The following DAAM1 variants were observed in gnomAD, a reference collection of about 807,000 sequenced individuals.
The protein encoded by DAAM1 is dishevelled associated activator of morphogenesis 1.
Under a neutral mutation model 130.0 loss-of-function variants are expected in DAAM1, and 52 were observed. That is an observed-to-expected ratio of 0.40 (90% CI 0.32 to 0.50). DAAM1 has a LOEUF of 0.50. Ranked by LOEUF, DAAM1 falls within the 20% of genes least tolerant of loss-of-function variation. The pLI is 0.61. For missense variants in DAAM1, 1,134 were observed against 1,303.8 expected (o/e 0.87, Z 2.01); for synonymous variants, 452 against 444.5 (o/e 1.02, Z -0.21).
chr14:59,308,010 T>TC lies in DAAM1; in HGVS notation c.274-7267dup, dbSNP rs377760391. On this transcript the variant is annotated intron_variant, in intron 3 of 24. Coordinates refer to ENST00000360909, the MANE Select transcript of DAAM1 (RefSeq NM_001270520.2). Reference sequence around the variant, plus strand: ...TAATAAAGCAAGGACTAAACAAGTTTCCCTCCACTTAATATGACGTGTCTT... The same window carrying TC: ...TAATAAAGCAAGGACTAAACAAGTTTCCCCTCCACTTAATATGACGTGTCTT... Among the ~76,000 whole-genome samples, 365 of 152,332 alleles carry TC rather than the reference T, an allele frequency of 2.4e-3. 1 individual carries two copies. Among genetic ancestry groups the TC allele is most frequent in the African/African-American group, 8.3e-3 (345 of 41,584 alleles).
At chr14:59,217,624 G>A (rs1228789444) in intron 1 of DAAM1, among the ~76,000 whole-genome samples, 1 of 151,770 alleles carries the variant, frequency 6.6e-6, no homozygotes, top group East Asian at 1.9e-4. Context: ...ATTGCTTGAG[G>A]CCAGAAGTTC....
At chr14:59,299,199 T>C (rs907971274) in intron 3 of DAAM1, among the ~76,000 whole-genome samples, 4 of 152,206 alleles carry the variant, frequency 2.6e-5, no homozygotes, top group African/African-American at 4.8e-5. Flanking sequence ...TATAGTATGA[T>C]GTATGTGTAA....
chr14:59,261,725 C>T (rs17095974), intron 1 of DAAM1, among the ~76,000 whole-genome samples: 9,463 of 152,238 alleles, frequency 0.062, 394 homozygotes, highest in Non-Finnish European at 0.093. Flanking sequence ...TACTTATTTA[C>T]GTAGTAGTGT....
At chr14:59,197,807 G>A (rs1433140599) in intron 1 of DAAM1, among the ~76,000 whole-genome samples, 2 of 152,054 alleles carry the variant, frequency 1.3e-5, no homozygotes, top group African/African-American at 2.4e-5. Flanking sequence ...TTCTCTGTGG[G>A]CAGGGTGAGA....
chr14:59,310,513 G>T (rs1480168850), intron 3 of DAAM1, among the ~76,000 whole-genome samples: 1 of 152,034 alleles, frequency 6.6e-6, no homozygotes, highest in Non-Finnish European at 1.5e-5. Flanking sequence ...ATATGATTAC[G>T]GTTCACTTGA....
intron 1 of DAAM1, among the ~76,000 whole-genome samples, chr14:59,240,579 C>G (rs1594774882): frequency 6.6e-6 from 1 of 152,190 alleles, no homozygotes; most frequent in African/African-American, 2.4e-5. Flanking sequence ...CTTGTCCCAT[C>G]TCTCAGTTCT....
intron 22 of DAAM1, chr14:59,363,037 A>G (rs1183678324): frequency 2.0e-5 from 3 of 152,438 alleles, no homozygotes; most frequent in Admixed American, 6.5e-5. Context: ...ATTAGATTTG[A>G]ATCATCTGCG....
rs562858963 is a variant in DAAM1, at chr14:59,315,294, C to A, written c.288C>A (p.Asn96Lys). The A allele has an allele frequency of 1.9e-6, 3 of 1,613,822 alleles. No individual in the cohort carries two copies. In the South Asian group the frequency reaches 3.3e-5, roughly 18 times the overall value. Residue 96 changes from asparagine to lysine, a missense_variant, in exon 4 of 25, where the codon AAC becomes AAA. Physicochemically the swap from Asn to Lys is moderately conservative, Grantham distance 94. Transcript: ENST00000360909. The stretch of plus-strand genomic sequence containing the variant: ...CCCCTTTTTAGGACCAGGAAGAAAA[C>A]AAGGGAGCTACAAGTTGGCCTGAAT... Reference protein sequence around the residue: ...YCSKKKDQEENKGATSWPEFY... With the variant: ...YCSKKKDQEEKKGATSWPEFY...
intron 3 of DAAM1, 135 bp downstream of exon 3, chr14:59,291,441 T>G (rs1594803592): frequency 2.6e-5 from 18 of 682,648 alleles, no homozygotes; most frequent in Admixed American, 1.3e-4. Flanking sequence ...GTGGCTGTGG[T>G]GCTACATGTA....
chr14:59,332,746 A>G (rs145132039), intron 15 of DAAM1, among the ~76,000 whole-genome samples: 2 of 152,346 alleles, frequency 1.3e-5, no homozygotes, highest in East Asian at 3.8e-4. Context: ...AGGATCCCAA[A>G]TAATCAAAGC....
chr14:59,259,863 T>C (rs925996393), intron 1 of DAAM1, among the ~76,000 whole-genome samples: 6 of 152,100 alleles, frequency 3.9e-5, no homozygotes, highest in African/African-American at 1.4e-4. Context: ...GCTAACATGG[T>C]GAAACCCCAT....
At chr14:59,345,382 G>A (rs570593294) in intron 16 of DAAM1, among the ~76,000 whole-genome samples, 21 of 152,244 alleles carry the variant, frequency 1.4e-4, no homozygotes, top group Admixed American at 7.2e-4. Flanking sequence ...GTGATAGAAC[G>A]GGCCTTATTT....
chr14:59,346,434 C>T (rs920436114), intron 16 of DAAM1, among the ~76,000 whole-genome samples: 37 of 152,216 alleles, frequency 2.4e-4, no homozygotes, highest in Non-Finnish European at 4.6e-4. Context: ...CATGTTAATA[C>T]GCCACATTAG....
At chr14:59,234,646 A>G (rs999976887) in intron 1 of DAAM1, among the ~76,000 whole-genome samples, 2 of 152,164 alleles carry the variant, frequency 1.3e-5, no homozygotes, top group African/African-American at 2.4e-5. Context: ...TGCCATGGCC[A>G]GAACTCCCGA....
intron 2 of DAAM1, among the ~76,000 whole-genome samples, chr14:59,272,255 A>T (rs2139523752): frequency 6.6e-6 from 1 of 152,346 alleles, no homozygotes; most frequent in East Asian, 1.9e-4. Context: ...GGAAACAATC[A>T]GTTGACAGAG....
intron 2 of DAAM1, among the ~76,000 whole-genome samples, chr14:59,275,100 G>A (rs1485983511): frequency 1.3e-5 from 2 of 152,208 alleles, no homozygotes; most frequent in East Asian, 3.9e-4. Flanking sequence ...TGGTGCTATC[G>A]AAGGAGGTGG....
chr14:59,336,967 A>G (rs1001694763), intron 15 of DAAM1, among the ~76,000 whole-genome samples: 12 of 152,168 alleles, frequency 7.9e-5, no homozygotes, highest in African/African-American at 2.9e-4. Flanking sequence ...CAAGCCACAC[A>G]CCCGGTAAAT....
At chr14:59,277,731 A>C (rs560020968) in intron 2 of DAAM1, among the ~76,000 whole-genome samples, 1 of 152,216 alleles carries the variant, frequency 6.6e-6, no homozygotes, top group East Asian at 1.9e-4. Context: ...TCTCTGACCA[A>C]TGAAAGGAGC....
chr14:59,285,763 G>T (rs1883422729), intron 2 of DAAM1, among the ~76,000 whole-genome samples: 1 of 152,132 alleles, frequency 6.6e-6, no homozygotes, highest in African/African-American at 2.4e-5. Context: ...GGAGCACCCA[G>T]ATTCATAAAA....
Sources: gnomAD v4.1 joint callset for allele counts (sites outside exome capture counted in the v4.1 genomes callset) on GRCh38, gnomAD v4.1.1 for gene constraint, MANE v1.5 for transcripts, NCBI Gene and HGNC (gene_info 2026-07-23, HGNC 2026-07-21) for gene names.